The following CDK14 variants were observed in gnomAD, a reference collection of about 807,000 sequenced individuals.
CDK14 encodes cyclin-dependent kinase 14.
Under a neutral mutation model 60.7 loss-of-function variants are expected in CDK14, and 34 were observed. That is an observed-to-expected ratio of 0.56 (90% CI 0.43 to 0.75). The LOEUF (loss-of-function observed/expected upper bound fraction) is 0.75, where lower values mean the gene tolerates loss of function less well. Ranked by LOEUF, CDK14 falls within the 30% of genes least tolerant of loss-of-function variation. The pLI, the probability that CDK14 is intolerant of heterozygous loss-of-function variation, is 0.00. For missense variants in CDK14, 482 were observed against 564.1 expected, an observed-to-expected ratio of 0.85 and a Z score of 1.47; for synonymous variants, 197 against 203.7, an observed-to-expected ratio of 0.97 and a Z score of 0.28.
intron 5 of CDK14, among the ~76,000 whole-genome samples, chr7:90,852,425 C>T (rs1186584785): frequency 6.6e-6 from 1 of 152,112 alleles, no homozygotes; most frequent in Non-Finnish European, 1.5e-5. Context: ...TCCTGTCTTG[C>T]TTTTATGTAT....
At chr7:90,945,684 G>A (rs1355894734) in intron 8 of CDK14, among the ~76,000 whole-genome samples, 1 of 152,186 alleles carries the variant, frequency 6.6e-6, no homozygotes, top group Non-Finnish European at 1.5e-5. Context: ...TTGAGGCCAG[G>A]GGACAAGGAC....
chr7:90,603,314 C>T (rs1474378282), intron 1 of CDK14, among the ~76,000 whole-genome samples: 1 of 152,134 alleles, frequency 6.6e-6, no homozygotes, highest in Non-Finnish European at 1.5e-5. Context: ...TATGAACAGT[C>T]ACGCATACTT....
chr7:91,088,921 CAT>C (rs1798722189), intron 12 of CDK14, among the ~76,000 whole-genome samples: 1 of 151,686 alleles, frequency 6.6e-6, no homozygotes, highest in African/African-American at 2.4e-5. Flanking sequence ...AACCAATAAA[CAT>C]ACCAGCTGTG....
chr7:91,091,517 A>ATATATATATATATATAT (rs1562900714), intron 12 of CDK14, among the ~76,000 whole-genome samples: 3 of 141,394 alleles, frequency 2.1e-5, no homozygotes, highest in African/African-American at 8.2e-5. Context: ...ATATATATAT[A>ATATATATATATATATAT]AATTAGCCAG....
chr7:90,865,770 C>T (rs1489415262), intron 6 of CDK14, among the ~76,000 whole-genome samples: 3 of 152,236 alleles, frequency 2.0e-5, no homozygotes, highest in South Asian at 4.1e-4. Context: ...GCTTTACATT[C>T]ATTGTCACTT....
chr7:90,952,856 A>G (rs1584161150), intron 8 of CDK14, among the ~76,000 whole-genome samples: 1 of 152,324 alleles, frequency 6.6e-6, no homozygotes, highest in East Asian at 1.9e-4. Flanking sequence ...CAACTGAAGA[A>G]TGCAGTTTAA....
chr7:90,749,443 G>A (rs192011507), intron 4 of CDK14, among the ~76,000 whole-genome samples: 1 of 152,042 alleles, frequency 6.6e-6, no homozygotes, highest in African/African-American at 2.4e-5. Flanking sequence ...CAGATCTCCA[G>A]GCAGTTAGAG....
intron 2 of CDK14, among the ~76,000 whole-genome samples, chr7:90,695,346 A>G (rs1446505470): frequency 1.3e-5 from 2 of 152,202 alleles, no homozygotes; most frequent in Non-Finnish European, 2.9e-5. Context: ...GCGTCATACC[A>G]TGTGTATTAA....
intron 11 of CDK14, among the ~76,000 whole-genome samples, chr7:91,072,739 A>C (rs1798190952): frequency 6.6e-6 from 1 of 152,116 alleles, no homozygotes; most frequent in Admixed American, 6.6e-5. Flanking sequence ...AGGAGCATGT[A>C]CTAACTCAAT....
At chr7:90,784,049 G>C (rs1018464555) in intron 4 of CDK14, among the ~76,000 whole-genome samples, 1 of 152,156 alleles carries the variant, frequency 6.6e-6, no homozygotes, top group Non-Finnish European at 1.5e-5. Flanking sequence ...TGGATGAATG[G>C]ATGAGGAAAA....
chr7:90,602,262 G>A (rs1466017464), intron 1 of CDK14, among the ~76,000 whole-genome samples: 1 of 152,192 alleles, frequency 6.6e-6, no homozygotes. Context: ...ATCTTGCATG[G>A]CAGCCACATA....
chr7:90,911,567 C>G (rs1792902470), intron 7 of CDK14, among the ~76,000 whole-genome samples: 1 of 152,132 alleles, frequency 6.6e-6, no homozygotes, highest in South Asian at 2.1e-4. Context: ...AAGATATTCA[C>G]CACGCTTCAT....
chr7:90,726,900 CTT>C (rs1802656758), intron 3 of CDK14, 88 bp downstream of exon 3: 1 of 1,469,378 alleles, frequency 6.8e-7, no homozygotes, highest in Non-Finnish European at 9.3e-7. Flanking sequence ...CAGCAGGAAA[CTT>C]TATCAGTGCC....
At chr7:90,848,176 A>G (rs1193946776) in intron 5 of CDK14, among the ~76,000 whole-genome samples, 1 of 152,110 alleles carries the variant, frequency 6.6e-6, no homozygotes, top group African/African-American at 2.4e-5. Flanking sequence ...ATCTTGGCTC[A>G]CTGCAACCTC....
chr7:91,002,226 G>C (rs145220014), intron 10 of CDK14, among the ~76,000 whole-genome samples: 26 of 152,224 alleles, frequency 1.7e-4, no homozygotes, highest in African/African-American at 6.3e-4. Context: ...GTGTCTCCAA[G>C]AAAGTACAGG....
intron 8 of CDK14, among the ~76,000 whole-genome samples, chr7:90,931,238 A>G (rs1428906433): frequency 6.6e-6 from 1 of 152,200 alleles, no homozygotes; most frequent in East Asian, 1.9e-4. Flanking sequence ...ATTTTGATGC[A>G]AATTTGAAAT....
intron 6 of CDK14, among the ~76,000 whole-genome samples, chr7:90,878,225 A>C (rs569038446): frequency 2.6e-5 from 4 of 152,110 alleles, no homozygotes; most frequent in Admixed American, 2.6e-4. Flanking sequence ...AGGAGGACTT[A>C]CTACAGGAAG....
Position 90,726,746 on chromosome 7 carries a change from T to A in CDK14, c.303T>A (p.Ile101=), listed in dbSNP as rs1268084853. The part of the protein sequence containing the change: ...KRVHSENNAC[I]NFKTSSTGKE... ...TGCATTCTGAGAACAATGCTTGCAT[T>A]AACTTTAAGACCTCCTCCACTGGCA... Residue 101 remains isoleucine (I), a synonymous_variant, in exon 3 of 15, where the codon ATT becomes ATA. Coordinates refer to ENST00000380050, the MANE Select transcript of CDK14 (RefSeq NM_001287135.2). The A allele has an allele frequency of 6.2e-7, 1 of 1,613,840 alleles. No individual in the cohort carries two copies. The highest frequency in any genetic ancestry group is 8.5e-7 in the Non-Finnish European group (1 of 1,179,824).
chr7:91,125,262 T>G (rs1799906770), intron 14 of CDK14, among the ~76,000 whole-genome samples: 1 of 152,130 alleles, frequency 6.6e-6, no homozygotes, highest in Admixed American at 6.6e-5. Flanking sequence ...CACTGGGGCC[T>G]GGGGACAAGA....
Sources: allele counts gnomAD v4.1 joint callset (sites outside exome capture counted in the v4.1 genomes callset), GRCh38; gene constraint gnomAD v4.1.1; transcripts MANE v1.5; gene names NCBI Gene and HGNC (gene_info 2026-07-23, HGNC 2026-07-21).